TDRD7: variants seen among roughly 807,000 people sequenced by gnomAD.
TDRD7 encodes the protein tudor domain-containing protein 7.
A neutral mutation model predicts 109.8 loss-of-function variants in TDRD7; 47 were observed. The observed-to-expected ratio is 0.43, with a 90% confidence interval of 0.34 to 0.55. The LOEUF is 0.55. Among genes scored for constraint, TDRD7 ranks in the 20% least tolerant of loss-of-function variants. The pLI is 0.03. For synonymous variants in TDRD7, 424 were observed against 457.3 expected, an observed-to-expected ratio of 0.93 and a Z score of 0.93; for missense variants, 1,164 against 1,319.2, an observed-to-expected ratio of 0.88 and a Z score of 1.82.
chr9:97,487,046 T>C, intron 15 of TDRD7, 126 bp from the exon 16 acceptor site: 7 of 1,092,452 alleles, frequency 6.4e-6, no homozygotes, highest in Non-Finnish European at 9.3e-6. Flanking sequence ...TTTGAAAATA[T>C]AGTTTTAAAT....
intron 6 of TDRD7, among the ~76,000 whole-genome samples, chr9:97,453,162 T>C (rs532567758): frequency 4.9e-4 from 75 of 152,328 alleles, no homozygotes; most frequent in African/African-American, 1.7e-3. Flanking sequence ...GAAAGTAGTT[T>C]CTACCACCCA....
At chr9:97,480,258 CT>C (rs985741818) in intron 13 of TDRD7, 3 of 163,476 alleles carry the variant, frequency 1.8e-5, no homozygotes, top group African/African-American at 7.2e-5. Context: ...CTAAAAAGCA[CT>C]GGGGAAAATG....
chr9:97,476,333 C>T (rs187249992), intron 12 of TDRD7, among the ~76,000 whole-genome samples: 6 of 152,200 alleles, frequency 3.9e-5, no homozygotes, highest in Admixed American at 2.6e-4. Context: ...AGCTCAGTTA[C>T]GAACTTGAAG....
rs1829138999 is a variant in TDRD7 at position 97,482,885 on chromosome 9, GTTTA to G, written c.2458_2461del (p.Phe820ProfsTer30). ...GGATGAAACCAGAGGGATCGCACAT[GTTTA>G]TTTATTTACCCCTAAGAACTTCCCT... On this transcript the variant is annotated frameshift_variant, in exon 15 of 17. Coordinates refer to ENST00000355295, the MANE Select transcript of TDRD7 (RefSeq NM_014290.3). LOFTEE classifies it high-confidence loss of function. The G allele has an allele frequency of 2.5e-6, 4 of 1,614,162 alleles. No individual in the cohort carries two copies. The highest frequency in any genetic ancestry group is 3.4e-6 in the Non-Finnish European group (4 of 1,180,000).
At chr9:97,451,544 A>T (rs1044876593) in intron 6 of TDRD7, among the ~76,000 whole-genome samples, 1 of 152,336 alleles carries the variant, frequency 6.6e-6, no homozygotes, top group East Asian at 1.9e-4. Context: ...CTCCTGCCCC[A>T]GGCTCCCAAA....
rs148718632 is a variant in TDRD7 at position 97,470,622 on chromosome 9, C to G, written c.1694C>G (p.Pro565Arg). The G allele has an allele frequency of 6.2e-7, 1 of 1,613,826 alleles. No homozygotes were observed. Among genetic ancestry groups the G allele is most frequent in the Non-Finnish European group, 8.5e-7 (1 of 1,179,920 alleles). ...VEKSKAYKLN[P>R]KFCSLSFQAT... The stretch of plus-strand genomic sequence containing the variant: ...AAAAGCAAAGCATACAAATTAAACC[C>G]GAAGTTTTGTTCACTCTCATTTCAA... The change falls in exon 9 of 17, where the codon CCG becomes CGG. Residue 565 changes from proline (P) to arginine (R), a missense_variant. Coordinates refer to ENST00000355295, the MANE Select transcript of TDRD7 (RefSeq NM_014290.3).
intron 16 of TDRD7, among the ~76,000 whole-genome samples, chr9:97,487,918 A>T (rs1014600898): frequency 6.6e-6 from 1 of 152,196 alleles, no homozygotes. Flanking sequence ...TTCCTGGGTC[A>T]TGGAATATAT....
intron 12 of TDRD7, among the ~76,000 whole-genome samples, chr9:97,478,033 G>A (rs995023811): frequency 1.3e-5 from 2 of 152,096 alleles, no homozygotes; most frequent in African/African-American, 4.8e-5. Flanking sequence ...CAAGGTGGGT[G>A]GATCTTTTGA....
At chr9:97,413,244 C>T (rs992831059) in intron 1 of TDRD7, among the ~76,000 whole-genome samples, 4 of 152,232 alleles carry the variant, frequency 2.6e-5, no homozygotes, top group African/African-American at 7.2e-5. Context: ...ATCCCTGTCT[C>T]GTCCTGGGCT....
intron 6 of TDRD7, among the ~76,000 whole-genome samples, chr9:97,455,391 A>G (rs566335098): frequency 2.0e-5 from 3 of 152,202 alleles, no homozygotes; most frequent in African/African-American, 7.2e-5. Context: ...ACTTCAGCCA[A>G]TATCCCTGAT....
At chr9:97,462,734 T>G (rs971192672) in intron 7 of TDRD7, among the ~76,000 whole-genome samples, 1 of 152,240 alleles carries the variant, frequency 6.6e-6, no homozygotes, top group Non-Finnish European at 1.5e-5. Flanking sequence ...ATTCTCGTCA[T>G]TACCCACTGT....
intron 4 of TDRD7, among the ~76,000 whole-genome samples, chr9:97,437,371 A>G (rs574361583): frequency 3.3e-5 from 5 of 152,338 alleles, no homozygotes; most frequent in South Asian, 2.1e-4. Flanking sequence ...CTAGGTGGCT[A>G]TTGGCCAAAG....
intron 7 of TDRD7, among the ~76,000 whole-genome samples, chr9:97,461,490 C>T (rs1451782779): frequency 2.2e-5 from 1 of 44,522 alleles, no homozygotes; most frequent in Non-Finnish European, 5.2e-5. Context: ...CAAAGGTGCT[C>T]TATTTATTTG....
At chr9:97,472,721 A>G (rs147010689) in intron 10 of TDRD7, among the ~76,000 whole-genome samples, 27 of 152,272 alleles carry the variant, frequency 1.8e-4, no homozygotes, top group African/African-American at 6.0e-4. Flanking sequence ...ATGAGCATCT[A>G]TTGATTTTAT....
Position 97,460,363 on chromosome 9 carries a change from C to A in TDRD7, c.1041C>A (p.Asp347Glu), listed in dbSNP as rs1287637801. 3 of 1,614,160 alleles carry A rather than the reference C, an allele frequency of 1.9e-6. No homozygotes were observed. Among genetic ancestry groups the A allele is most frequent in the Non-Finnish European group, 2.5e-6 (3 of 1,180,028 alleles). Reference protein sequence around the residue: ...MAGDFKEKVADLLVKYTSGLW... With the variant: ...MAGDFKEKVAELLVKYTSGLW... Reference sequence around the variant, plus strand: ...GAGACTTTAAAGAAAAAGTGGCAGACCTGCTGGTGAAATACACAAGTGGCC... The same window carrying A: ...GAGACTTTAAAGAAAAAGTGGCAGAACTGCTGGTGAAATACACAAGTGGCC... The change falls in exon 7 of 17, where the codon GAC (aspartate) becomes GAA (glutamate). Residue 347 changes from aspartate (D) to glutamate (E), a missense_variant. Coordinates refer to ENST00000355295, the MANE Select transcript of TDRD7 (RefSeq NM_014290.3).
chr9:97,460,125 G>T, intron 6 of TDRD7, 53 bp from the exon 7 acceptor site: 1 of 1,465,784 alleles, frequency 6.8e-7, no homozygotes, highest in South Asian at 1.1e-5. Context: ...TGTGTTTGTG[G>T]GTTGTTTATA....
chr9:97,496,038 T>A lies in TDRD7; in HGVS notation c.*155T>A. 1 of 669,576 alleles carries A rather than the reference T, an allele frequency of 1.5e-6. No homozygotes were observed. 41.5% of individuals were successfully genotyped at this position (669,576 alleles called of 1,614,324 possible). On this transcript the variant is annotated 3_prime_UTR_variant, in exon 17 of 17. Transcript: ENST00000355295. ...TGTTTGATGAAAGATATTTAACAAG[T>A]TTTGTTTTAACAGAGTTGACTTTTC... is the stretch of plus-strand genomic sequence containing the variant.
At chr9:97,444,262 G>C (rs1219291429) in intron 6 of TDRD7, among the ~76,000 whole-genome samples, 2 of 152,268 alleles carry the variant, frequency 1.3e-5, no homozygotes, top group Admixed American at 1.3e-4. Context: ...TATTGTGTCT[G>C]TTACCTTTGT....
At chr9:97,465,601 C>G (rs1487765592) in intron 8 of TDRD7, among the ~76,000 whole-genome samples, 1 of 152,172 alleles carries the variant, frequency 6.6e-6, no homozygotes, top group South Asian at 2.1e-4. Flanking sequence ...ATGCAGAGAC[C>G]AAGAAGCACA....
Sources: allele counts gnomAD v4.1 joint callset (sites outside exome capture counted in the v4.1 genomes callset), GRCh38; gene constraint gnomAD v4.1.1; transcripts MANE v1.5; gene names NCBI Gene and HGNC (gene_info 2026-07-23, HGNC 2026-07-21).